Variants in CEP170B observed in about 807,000 individuals in gnomAD.
CEP170B encodes the protein centrosomal protein of 170 kDa protein B.
A neutral mutation model predicts 120.6 loss-of-function variants in CEP170B; 55 were observed. The observed-to-expected ratio is 0.46, with a 90% confidence interval of 0.37 to 0.57. The LOEUF is 0.57. CEP170B is among the 20% of genes least tolerant of loss of function. CEP170B has a pLI of 0.00. For missense variants in CEP170B, 2,212 were observed against 2,253.3 expected, an observed-to-expected ratio of 0.98 and a Z score of 0.37; for synonymous variants, 1,033 against 954.5, an observed-to-expected ratio of 1.08 and a Z score of -1.52.
rs762764595 is a variant in CEP170B, at chr14:104,877,857, C to G, written c.196-28C>G. ...AGCCACCCACCCGCGCAGCTCCCCCCCCCCCCCCGCCACCTGTTTTCCTGC... is the reference window on the plus strand; with the variant it reads ...AGCCACCCACCCGCGCAGCTCCCCCGCCCCCCCCGCCACCTGTTTTCCTGC... On this transcript the variant is annotated intron_variant, in intron 3 of 18. Coordinates refer to ENST00000414716, the MANE Select transcript of CEP170B (RefSeq NM_001112726.3). 163 of 906,194 alleles carry G rather than the reference C, an allele frequency of 1.8e-4. 18 individuals are homozygous for G. In the African/African-American group the frequency reaches 3.0e-3, roughly 17 times the overall value. 56.1% of individuals were successfully genotyped at this position (906,194 alleles called of 1,614,324 possible). A position where few individuals can be genotyped will look rare whatever the true frequency, so the allele number is the denominator to read the frequency against.
chr14:104,890,126 A>G (rs1460321223), intron 13 of CEP170B, among the ~76,000 whole-genome samples: 8 of 44,474 alleles, frequency 1.8e-4, no homozygotes, highest in Non-Finnish European at 3.0e-4. Context: ...GGATGGATGG[A>G]TGGGAGGGTG....
intron 14 of CEP170B, 28 bp from the exon 15 acceptor site, chr14:104,893,495 C>A (rs1896946406): frequency 5.0e-6 from 8 of 1,589,356 alleles, no homozygotes; most frequent in Non-Finnish European, 6.0e-6. Context: ...CTGCCTGGGG[C>A]CCACGGTGCC....
rs766116440 is a variant in CEP170B, at chr14:104,885,477, C to T, written c.1879C>T (p.Arg627Trp). Residue 627 changes from arginine to tryptophan, a missense_variant, in exon 10 of 19, where the codon CGG becomes TGG. Physicochemically the swap from Arg to Trp is moderately radical, Grantham distance 101. Transcript: ENST00000414716. ...GTCTGATGACGGGGGCGTGGCCCAGCGGATGGCGCTACTGCAGGAGTTTGC... is the reference window on the plus strand; with the variant it reads ...GTCTGATGACGGGGGCGTGGCCCAGTGGATGGCGCTACTGCAGGAGTTTGC... ...DESDDGGVAQRMALLQEFASR... is the reference protein window; with the variant it reads ...DESDDGGVAQWMALLQEFASR... 3 of 1,562,988 alleles carry T rather than the reference C, an allele frequency of 1.9e-6. No homozygotes were observed. The highest frequency in any genetic ancestry group is 2.6e-6 in the Non-Finnish European group (3 of 1,155,274).
chr14:104,877,205 G>A (rs1336112802), intron 3 of CEP170B, among the ~76,000 whole-genome samples: 4 of 152,182 alleles, frequency 2.6e-5, no homozygotes, highest in Non-Finnish European at 2.9e-5. Context: ...CTGATGAAGC[G>A]GCTGTCCCTG....
chr14:104,872,491 T>TGTGTGTGCCGTGTGTGCC lies in CEP170B; in HGVS notation c.106-3758_106-3757insCCGTGTGTGCCGTGTGTG, dbSNP rs1357516985. ...GTGCCGTGTGTGTGCGTGTGTGCCGTGTGTGTGTGCGTGTGTAAGTGTGCA... is the reference window on the plus strand; with the variant it reads ...GTGCCGTGTGTGTGCGTGTGTGCCGTGTGTGTGCCGTGTGTGCCGTGTGTGTGCGTGTGTAAGTGTGCA... On this transcript the variant is annotated intron_variant, in intron 2 of 18. Transcript: ENST00000414716. Among the ~76,000 whole-genome samples, 31 of 62,664 alleles carry TGTGTGTGCCGTGTGTGCC rather than the reference T, an allele frequency of 4.9e-4. 1 individual carries two copies. The highest frequency in any genetic ancestry group is 9.3e-4 in the African/African-American group (28 of 30,032). The allele number at this position is 62,664 out of a possible 152,430, so 41.1% of individuals were successfully genotyped here.
At chr14:104,871,147 T>G (rs535699905) in intron 2 of CEP170B, among the ~76,000 whole-genome samples, 3 of 152,174 alleles carry the variant, frequency 2.0e-5, no homozygotes, top group Non-Finnish European at 1.5e-5. Flanking sequence ...GGGGCCTCAG[T>G]GGCCCTTTCC....
intron 16 of CEP170B, 60 bp downstream of exon 16, chr14:104,893,909 G>T: frequency 2.0e-6 from 3 of 1,486,842 alleles, no homozygotes; most frequent in South Asian, 2.4e-5. Context: ...CATGAGCTGA[G>T]ACTCAGCCTG....
At chr14:104,877,811 C>CCCCCCTG in intron 3 of CEP170B, 74 bp from the exon 4 acceptor site, 1 of 651,478 alleles carries the variant, frequency 1.5e-6, no homozygotes, top group Non-Finnish European at 2.4e-6. Context: ...CTCAGCCCCA[C>CCCCCCTG]CACCCTGCGG....
intron 2 of CEP170B, among the ~76,000 whole-genome samples, chr14:104,872,258 G>A (rs1415045687): frequency 6.9e-6 from 1 of 144,164 alleles, no homozygotes; most frequent in East Asian, 2.1e-4. Flanking sequence ...TGTGCCATGT[G>A]TGTGCGTGTG....
intron 1 of CEP170B, among the ~76,000 whole-genome samples, chr14:104,866,997 C>T (rs768875675): frequency 3.9e-5 from 6 of 152,196 alleles, no homozygotes; most frequent in African/African-American, 7.2e-5. Flanking sequence ...GCTCTGGGGC[C>T]GGCCTCACAG....
intron 12 of CEP170B, among the ~76,000 whole-genome samples, chr14:104,888,753 T>C (rs766155180): frequency 2.0e-5 from 3 of 152,250 alleles, no homozygotes; most frequent in Non-Finnish European, 4.4e-5. Flanking sequence ...TGGAGCCTCT[T>C]TCCTGACTCC....
At chr14:104,894,195 C>A in intron 16 of CEP170B, 90 bp from the exon 17 acceptor site, 1 of 1,066,374 alleles carries the variant, frequency 9.4e-7, no homozygotes, top group Non-Finnish European at 1.4e-6. Context: ...ATGAACTTCA[C>A]CATGGCAGAG....
intron 3 of CEP170B, among the ~76,000 whole-genome samples, chr14:104,876,555 C>T (rs941811801): frequency 6.6e-6 from 1 of 151,346 alleles, no homozygotes; most frequent in Non-Finnish European, 1.5e-5. Flanking sequence ...CCAGCCCTGG[C>T]CCCTCCCTCT....
intron 2 of CEP170B, among the ~76,000 whole-genome samples, chr14:104,874,770 C>T (rs1000999437): frequency 5.9e-5 from 9 of 151,608 alleles, no homozygotes; most frequent in Admixed American, 2.6e-4. Flanking sequence ...TCCTCTGCAG[C>T]GCAACCACCG....
chr14:104,889,890 CTGGATGGATGGACAAATGGATGGA>C, intron 13 of CEP170B, 132 bp downstream of exon 13: 1 of 853,732 alleles, frequency 1.2e-6, no homozygotes, highest in Non-Finnish European at 1.8e-6. Context: ...GGCTGGCTGG[CTGGATGGATGGACAAATGGATGGA>C]TGGATGGATG....
chr14:104,892,754 C>T (rs1407153869), intron 13 of CEP170B, among the ~76,000 whole-genome samples: 1 of 152,266 alleles, frequency 6.6e-6, no homozygotes, highest in Non-Finnish European at 1.5e-5. Context: ...CACCATCCCT[C>T]CTTGTGGCTG....
At chr14:104,889,849 C>G (rs1896701705) in intron 13 of CEP170B, 91 bp downstream of exon 13, 1 of 1,381,926 alleles carries the variant, frequency 7.2e-7, no homozygotes, top group East Asian at 2.3e-5. Flanking sequence ...CTGGGAGCTC[C>G]CTTCTTGAGT....
chr14:104,886,378 G>A lies in CEP170B; in HGVS notation c.2139G>A (p.Ala713=), dbSNP rs62641736. The change falls in exon 12 of 19, where the codon GCG becomes GCA. Residue 713 remains alanine, a synonymous_variant. Coordinates refer to ENST00000414716, the MANE Select transcript of CEP170B (RefSeq NM_001112726.3). Reference sequence around the variant, plus strand: ...CCAGTGAGAGGGCTGACAGCCCTGCGGGCCCAGAGAGCAGCAGGAGGAGTG... The same window carrying A: ...CCAGTGAGAGGGCTGACAGCCCTGCAGGCCCAGAGAGCAGCAGGAGGAGTG... ...QLPSERADSP[A]GPESSRRSGP... is the part of the protein sequence containing the mutation. 2,145 of 1,581,730 alleles carry A rather than the reference G, an allele frequency of 1.4e-3. 14 individuals carry two copies. The highest frequency in any genetic ancestry group is 0.01 in the South Asian group (883 of 86,676).
In CEP170B at chr14:104,887,597, C is replaced by A. The variant is rs753955782; in HGVS notation, c.3358C>A (p.Pro1120Thr). The change falls in exon 12 of 19, where the codon CCC (proline) becomes ACC (threonine). Residue 1120 changes from proline to threonine, a missense_variant. By Grantham distance (38) the Pro-to-Thr change is conservative. This residue lies in a region of CEP170B where 2,166 missense variants were observed against 2,166.7 expected (regional missense o/e 1.00). Coordinates refer to ENST00000414716, the MANE Select transcript of CEP170B (RefSeq NM_001112726.3). ...CTCCAACAGCCTGTCCACCCCTCGC[C>A]CCACACGGGCCTCCCGGCTGAGGCG... Reference protein sequence around the residue: ...TRSNSLSTPRPTRASRLRRAR... With the variant: ...TRSNSLSTPRTTRASRLRRAR... 6.3e-7 allele frequency: 1 copy of A among 1,584,816 alleles called. No homozygotes were observed. The highest frequency in any genetic ancestry group is 2.3e-5 in the East Asian group (1 of 43,692).
Sources: allele counts gnomAD v4.1 joint callset (sites outside exome capture counted in the v4.1 genomes callset), GRCh38; gene constraint gnomAD v4.1.1; regional missense constraint gnomAD v4.1.1; transcripts MANE v1.5; gene names NCBI Gene and HGNC (gene_info 2026-07-23, HGNC 2026-07-21).